Variants in SLC9A9 observed in about 807,000 individuals in gnomAD.
The protein encoded by SLC9A9 is sodium/hydrogen exchanger 9.
SLC9A9 carries 62 observed loss-of-function variants against 77.8 expected under a neutral mutation model. The observed-to-expected ratio is 0.80, with a 90% confidence interval of 0.65 to 0.98. SLC9A9 has a LOEUF of 0.98. Among genes scored for constraint, SLC9A9 ranks in the 50% least tolerant of loss-of-function variants. The probability of loss-of-function intolerance (pLI) is 0.00; values close to 1 mark genes in which losing one functional copy is unlikely to be tolerated. For missense variants in SLC9A9, 775 were observed against 774.9 expected (o/e 1.00, Z 0.00); for synonymous variants, 320 against 283.5 (o/e 1.13, Z -1.29).
intron 6 of SLC9A9, among the ~76,000 whole-genome samples, chr3:143,605,564 C>T (rs557802738): frequency 3.9e-5 from 6 of 152,310 alleles, no homozygotes; most frequent in Admixed American, 2.6e-4. Context: ...ATGTTGGCAT[C>T]GCATATAAAA....
At chr3:143,560,777 T>C (rs770223978) in intron 8 of SLC9A9, among the ~76,000 whole-genome samples, 3 of 151,720 alleles carry the variant, frequency 2.0e-5, no homozygotes, top group Non-Finnish European at 2.9e-5. Flanking sequence ...CACAATGTTA[T>C]AAGGCTGTCA....
chr3:143,405,104 GA>G (rs1553751712), intron 12 of SLC9A9, among the ~76,000 whole-genome samples: 1 of 152,216 alleles, frequency 6.6e-6, no homozygotes, highest in Non-Finnish European at 1.5e-5. Context: ...CCCCAGGCAT[GA>G]ATGTGATCCC....
intron 12 of SLC9A9, among the ~76,000 whole-genome samples, chr3:143,459,228 A>C (rs1033268187): frequency 6.6e-6 from 1 of 151,972 alleles, no homozygotes; most frequent in East Asian, 1.9e-4. Context: ...ATATGTGTCC[A>C]TACTGGGTTA....
intron 12 of SLC9A9, among the ~76,000 whole-genome samples, chr3:143,411,519 A>G (rs1181895104): frequency 6.6e-6 from 1 of 152,194 alleles, no homozygotes; most frequent in Non-Finnish European, 1.5e-5. Flanking sequence ...ATTTAACTCG[A>G]TCTTCCAGAA....
At chr3:143,820,394 C>T (rs74808969) in intron 2 of SLC9A9, among the ~76,000 whole-genome samples, 1 of 152,170 alleles carries the variant, frequency 6.6e-6, no homozygotes, top group Non-Finnish European at 1.5e-5. Context: ...CTATGTTTTG[C>T]GTAAGATTCT....
intron 5 of SLC9A9, among the ~76,000 whole-genome samples, chr3:143,659,962 G>A (rs115585467): frequency 0.025 from 3,865 of 152,192 alleles, 141 homozygotes; most frequent in African/African-American, 0.088. Context: ...GGGAAGTTCC[G>A]GTACACAAGC....
intron 4 of SLC9A9, among the ~76,000 whole-genome samples, chr3:143,787,153 C>T (rs1295507069): frequency 1.3e-5 from 2 of 152,098 alleles, no homozygotes; most frequent in African/African-American, 4.8e-5. Context: ...CAGAGTTTCC[C>T]AGAAATGGAA....
intron 9 of SLC9A9, chr3:143,517,415 C>T (rs981160329): frequency 1.4e-4 from 218 of 1,558,862 alleles, no homozygotes; most frequent in Non-Finnish European, 1.8e-4. Context: ...TCCTGACTGT[C>T]GTCTGGCTTC....
chr3:143,321,489 T>C (rs573551969), intron 14 of SLC9A9, among the ~76,000 whole-genome samples: 1 of 152,324 alleles, frequency 6.6e-6, no homozygotes, highest in East Asian at 1.9e-4. Flanking sequence ...TAGCTTTACT[T>C]GGCATGTTCA....
At chr3:143,837,215 T>C (rs1338839467) in intron 1 of SLC9A9, among the ~76,000 whole-genome samples, 1 of 152,224 alleles carries the variant, frequency 6.6e-6, no homozygotes, top group Non-Finnish European at 1.5e-5. Flanking sequence ...TCCCTGCTGC[T>C]TGGCACAACT....
intron 14 of SLC9A9, among the ~76,000 whole-genome samples, chr3:143,322,473 G>A (rs1463708444): frequency 1.3e-5 from 2 of 152,132 alleles, no homozygotes; most frequent in African/African-American, 2.4e-5. Flanking sequence ...AGCTTACCAA[G>A]TGTGGATCTT....
intron 9 of SLC9A9, among the ~76,000 whole-genome samples, chr3:143,497,262 C>A (rs776295134): frequency 4.6e-5 from 7 of 152,174 alleles, no homozygotes; most frequent in African/African-American, 1.7e-4. Flanking sequence ...ATTTTGCCAC[C>A]TGGACTCTAT....
chr3:143,551,830 G>A (rs529758435), intron 9 of SLC9A9, among the ~76,000 whole-genome samples: 55 of 152,286 alleles, frequency 3.6e-4, no homozygotes, highest in African/African-American at 9.1e-4. Context: ...GGTGCTTGGC[G>A]CAGAGTGGCT....
intron 5 of SLC9A9, among the ~76,000 whole-genome samples, chr3:143,689,387 A>G (rs1933383886): frequency 6.6e-6 from 1 of 152,034 alleles, no homozygotes; most frequent in African/African-American, 2.4e-5. Context: ...ACTAAAGATA[A>G]TTAGAAAGAT....
chr3:143,521,052 T>G (rs1325380328), intron 9 of SLC9A9, among the ~76,000 whole-genome samples: 1 of 152,206 alleles, frequency 6.6e-6, no homozygotes, highest in African/African-American at 2.4e-5. Context: ...TTAAATTCTT[T>G]AATTATTTAA....
chr3:143,342,577 T>A (rs1246008906), intron 14 of SLC9A9, among the ~76,000 whole-genome samples: 1 of 152,224 alleles, frequency 6.6e-6, no homozygotes, highest in Non-Finnish European at 1.5e-5. Flanking sequence ...ATGTAGCAAC[T>A]AGAGCAGGAC....
intron 14 of SLC9A9, among the ~76,000 whole-genome samples, chr3:143,353,018 T>G (rs2032503640): frequency 6.6e-6 from 1 of 152,204 alleles, no homozygotes; most frequent in Non-Finnish European, 1.5e-5. Context: ...TCTGTGCACA[T>G]GATAATTCCC....
intron 14 of SLC9A9, among the ~76,000 whole-genome samples, chr3:143,334,026 A>AGC (rs1450354838): frequency 6.6e-6 from 1 of 152,236 alleles, no homozygotes; most frequent in African/African-American, 2.4e-5. Context: ...GTATTTGAAA[A>AGC]AATAATCTGC....
chr3:143,791,135 G>A (rs978142297), intron 4 of SLC9A9, among the ~76,000 whole-genome samples: 3 of 152,164 alleles, frequency 2.0e-5, no homozygotes, highest in African/African-American at 7.2e-5. Context: ...GAAGGAGATG[G>A]ATTTAAAATA....
Sources: allele counts gnomAD v4.1 joint callset (sites outside exome capture counted in the v4.1 genomes callset), GRCh38; gene constraint gnomAD v4.1.1; transcripts MANE v1.5; gene names NCBI Gene and HGNC (gene_info 2026-07-23, HGNC 2026-07-21).